The following WDR12 variants were observed in gnomAD, a reference collection of about 807,000 sequenced individuals.
The protein encoded by WDR12 is ribosome biogenesis protein WDR12.
WDR12 carries 42 observed loss-of-function variants against 64.3 expected under a neutral mutation model. The ratio of observed to expected loss-of-function variants is 0.65; its 90% CI spans 0.51 to 0.84. The LOEUF (loss-of-function observed/expected upper bound fraction) is 0.84, where lower values mean the gene tolerates loss of function less well. WDR12 is among the 40% of genes least tolerant of loss of function. The pLI is 0.00. For synonymous variants in WDR12, 158 were observed against 173.3 expected, an observed-to-expected ratio of 0.91 and a Z score of 0.70; for missense variants, 469 against 494.6, an observed-to-expected ratio of 0.95 and a Z score of 0.49.
In WDR12 at chr2:202,879,752, T is replaced by C. The variant is rs578080777; in HGVS notation, c.*1108A>G. The C allele has an allele frequency of 6.7e-6, 1 of 150,356 alleles. No homozygotes were observed. The highest frequency in any genetic ancestry group is 2.1e-4 in the South Asian group (1 of 4,750). 9.3% of individuals were successfully genotyped at this position (150,356 alleles called of 1,614,324 possible). A position where few individuals can be genotyped will look rare whatever the true frequency, so the allele number is the denominator to read the frequency against. On this transcript the variant is annotated 3_prime_UTR_variant, in exon 13 of 13. Transcript: ENST00000261015. The stretch of plus-strand genomic sequence containing the variant: ...CTGCCGAATCAATATTTTGTTATCG[T>C]TGTTGTTGAGACAGAGTCTTGCACT...
In WDR12 at chr2:202,884,534, G is replaced by A; in HGVS notation, c.743C>T (p.Thr248Ile). 1.2e-6 allele frequency: 2 copies of A among 1,603,382 alleles called. No individual in the cohort carries two copies. Among genetic ancestry groups the A allele is most frequent in the Non-Finnish European group, 1.7e-6 (2 of 1,177,494 alleles). Residue 248 changes from threonine to isoleucine, a missense_variant and splice_region_variant, in exon 9 of 13, where the codon ACT (threonine) becomes ATT (isoleucine). Thr to Ile is a moderately conservative substitution (Grantham distance 89). Coordinates refer to ENST00000261015, the MANE Select transcript of WDR12 (RefSeq NM_018256.4). The stretch of plus-strand genomic sequence containing the variant: ...GTGGCCAGAGAGGGTCACTATGGGA[G>A]TCTAGAAAGGAAGAACCCCAAAAGG... ...QKTEQLGLTRTPIVTLSGHME... is the reference protein window; with the variant it reads ...QKTEQLGLTRIPIVTLSGHME...
At chr2:202,911,112 T>C (rs762272313) in intron 1 of WDR12, among the ~76,000 whole-genome samples, 1 of 152,222 alleles carries the variant, frequency 6.6e-6, no homozygotes, top group East Asian at 1.9e-4. Context: ...ATGGTAAATA[T>C]GTTTTTTCAT....
chr2:202,911,098 A>G (rs568937083), intron 1 of WDR12, among the ~76,000 whole-genome samples: 3 of 152,372 alleles, frequency 2.0e-5, no homozygotes, highest in African/African-American at 7.2e-5. Flanking sequence ...ATAGATATAC[A>G]TAAATGGTAA....
At chr2:202,903,530 A>G in intron 2 of WDR12, among the ~76,000 whole-genome samples, 1 of 151,832 alleles carries the variant, frequency 6.6e-6, no homozygotes. Flanking sequence ...GGAGGGAGGA[A>G]GGGCATCCAA....
rs1357571947 is a variant in WDR12 at position 202,876,545 on chromosome 2, T to C, written c.*4315A>G. The C allele has an allele frequency of 6.6e-6, 1 of 152,216 alleles. No homozygotes were observed. The highest frequency in any genetic ancestry group is 1.5e-5 in the Non-Finnish European group (1 of 68,048). 9.4% of individuals were successfully genotyped at this position (152,216 alleles called of 1,614,324 possible). A position where few individuals can be genotyped will look rare whatever the true frequency, so the allele number is the denominator to read the frequency against. The stretch of plus-strand genomic sequence containing the variant: ...AATCTGATTCTAATTAGTGGCTTTT[T>C]AAATAAAAAAGATATTATTGGAATA... On this transcript the variant is annotated 3_prime_UTR_variant, in exon 13 of 13. Transcript: ENST00000261015.
chr2:202,911,095 T>C (rs1042289956), intron 1 of WDR12, among the ~76,000 whole-genome samples: 6 of 152,228 alleles, frequency 3.9e-5, no homozygotes, highest in Admixed American at 1.3e-4. Context: ...TATATAGATA[T>C]ACATAAATGG....
At chr2:202,890,870 T>A (rs1475380759) in intron 8 of WDR12, among the ~76,000 whole-genome samples, 19 of 151,790 alleles carry the variant, frequency 1.3e-4, no homozygotes, top group Admixed American at 1.2e-3. Flanking sequence ...GGCTCAAGCC[T>A]GTAATCCCAG....
intron 7 of WDR12, among the ~76,000 whole-genome samples, chr2:202,894,282 T>C (rs1161644331): frequency 6.6e-6 from 1 of 152,032 alleles, no homozygotes; most frequent in African/African-American, 2.4e-5. Context: ...TGGCATGGTA[T>C]CATAGCTCAC....
rs974162750 is a variant in WDR12 at position 202,897,758 on chromosome 2, G to A, written c.339-343C>T. ...CAAAAAATTAGCCAGGCATGGTGGC[G>A]GGTGCCTGTAGTCTCAGCTACTCAG... On this transcript the variant is annotated intron_variant, in intron 4 of 12. Transcript: ENST00000261015. 5.4e-5 allele frequency among the ~76,000 whole-genome samples: 8 copies of A among 148,766 alleles called. No homozygotes were observed. The East Asian group carries it at 1.0e-3, about 19-fold the overall frequency.
chr2:202,899,882 T>TAGGAAAGCTGGGGC (rs1688319294), intron 3 of WDR12, among the ~76,000 whole-genome samples: 1 of 152,108 alleles, frequency 6.6e-6, no homozygotes, highest in South Asian at 2.1e-4. Flanking sequence ...CTATTAACAT[T>TAGGAAAGCTGGGGC]AGGAAAGCTG....
rs764133818 is a variant in WDR12, at chr2:202,880,809, T to C, written c.*51A>G. ...GCATCTATGTAATTTCATGGTTCTC[T>C]ACCAATTTCATTTACAGAAATAATC... On this transcript the variant is annotated 3_prime_UTR_variant, in exon 13 of 13. Transcript: ENST00000261015. The C allele has an allele frequency of 1.3e-6, 2 of 1,537,316 alleles. No homozygotes were observed. The highest frequency in any genetic ancestry group is 2.4e-5 in the South Asian group (2 of 83,302).
In WDR12 at chr2:202,892,549, T is replaced by C. The variant is rs1013941247; in HGVS notation, c.741+68A>G. ...AAGGCAACATAAACAAAAAAGACCA[T>C]ATTAAATTACCATCTATTTGTCAAC... is the stretch of plus-strand genomic sequence containing the variant. On this transcript the variant is annotated intron_variant, in intron 8 of 12. Transcript: ENST00000261015. The C allele has an allele frequency of 2.8e-6, 3 of 1,063,158 alleles. No homozygotes were observed. In the Admixed American group the frequency reaches 6.4e-5, roughly 23 times the overall value. 65.9% of individuals were successfully genotyped at this position (1,063,158 alleles called of 1,614,324 possible). A position where few individuals can be genotyped will look rare whatever the true frequency, so the allele number is the denominator to read the frequency against.
chr2:202,887,409 A>G (rs1688066510), intron 8 of WDR12, among the ~76,000 whole-genome samples: 1 of 152,222 alleles, frequency 6.6e-6, no homozygotes, highest in Non-Finnish European at 1.5e-5. Flanking sequence ...AATAGGTGAC[A>G]GCCAAACTGG....
At chr2:202,904,094 C>T (rs187811528) in intron 2 of WDR12, among the ~76,000 whole-genome samples, 80 of 122,894 alleles carry the variant, frequency 6.5e-4, no homozygotes, top group South Asian at 1.8e-3. Flanking sequence ...GGTGAGATTA[C>T]GCAATTGCAC....
chr2:202,881,709 A>G (rs1368219694), intron 12 of WDR12, among the ~76,000 whole-genome samples: 11 of 152,252 alleles, frequency 7.2e-5, no homozygotes, highest in Middle Eastern at 3.4e-3. Flanking sequence ...TAAGCCCAGG[A>G]GTTCAAGCCT....
Position 202,876,499 on chromosome 2 carries a change from T to C in WDR12, c.*4361A>G, listed in dbSNP as rs1687861467. 1 of 152,250 alleles carries C rather than the reference T, an allele frequency of 6.6e-6. No individual in the cohort carries two copies. The highest frequency in any genetic ancestry group is 2.4e-5 in the African/African-American group (1 of 41,468). The allele number at this position is 152,250 out of a possible 1,614,324, so 9.4% of individuals were successfully genotyped here. Reference sequence around the variant, plus strand: ...CTGGCAGTTTCTGGCTAGTAAAATCTGGATTTCACTTGCCTAATGAAATCT... The same window carrying C: ...CTGGCAGTTTCTGGCTAGTAAAATCCGGATTTCACTTGCCTAATGAAATCT... On this transcript the variant is annotated 3_prime_UTR_variant, in exon 13 of 13. Coordinates refer to ENST00000261015, the MANE Select transcript of WDR12 (RefSeq NM_018256.4).
intron 2 of WDR12, among the ~76,000 whole-genome samples, chr2:202,905,450 C>T (rs1688438908): frequency 8.5e-5 from 13 of 152,174 alleles, no homozygotes; most frequent in Admixed American, 8.5e-4. Flanking sequence ...GCCAAAATGG[C>T]TTTTATCTGA....
At position 202,911,424 on chromosome 2, in the gene WDR12, A is replaced by C; in HGVS notation, c.41+12T>G. The C allele has an allele frequency of 6.2e-7, 1 of 1,613,932 alleles. No individual in the cohort carries two copies. The highest frequency in any genetic ancestry group is 1.1e-5 in the South Asian group (1 of 91,068). ...CCTGGGGAAGGGAGAGAAGGCTGGA[A>C]CGCTTACTTACTTCTTGTTATCAGT... On this transcript the variant is annotated intron_variant, in intron 1 of 12. Transcript: ENST00000261015.
rs533883375 is a variant in WDR12 at position 202,890,306 on chromosome 2, CAT to C, written c.741+2309_741+2310del. ...ATGAAAAGATCTATCTTACAGATATCATATGAAATTTTAAAAATAGGTAAAAC... is the reference window on the plus strand; with the variant it reads ...ATGAAAAGATCTATCTTACAGATATCATGAAATTTTAAAAATAGGTAAAAC... On this transcript the variant is annotated intron_variant, in intron 8 of 12. Coordinates refer to ENST00000261015, the MANE Select transcript of WDR12 (RefSeq NM_018256.4). Among the ~76,000 whole-genome samples, 1,027 of 152,206 alleles carry C rather than the reference CAT, an allele frequency of 6.7e-3. 10 individuals carry two copies. The highest frequency in any genetic ancestry group is 0.023 in the African/African-American group (961 of 41,526).
Sources: allele counts gnomAD v4.1 joint callset (sites outside exome capture counted in the v4.1 genomes callset), GRCh38; gene constraint gnomAD v4.1.1; transcripts MANE v1.5; gene names NCBI Gene and HGNC (gene_info 2026-07-23, HGNC 2026-07-21).